Variants in IP6K3 observed in about 807,000 individuals in gnomAD.
The protein encoded by IP6K3 is inositol hexakisphosphate kinase 3.
A neutral mutation model predicts 28.8 loss-of-function variants in IP6K3; 20 were observed. The ratio of observed to expected loss-of-function variants is 0.70; its 90% CI spans 0.49 to 1.01. The LOEUF is 1.01. Ranked by LOEUF, IP6K3 falls within the 50% of genes least tolerant of loss-of-function variation. The pLI is 0.00. For missense variants in IP6K3, 480 were observed against 537.1 expected (o/e 0.89, Z 1.05); for synonymous variants, 213 against 221.3 (o/e 0.96, Z 0.33).
upstream of IP6K3, among the ~76,000 whole-genome samples, chr6:33,747,363 T>G (rs1766943937): frequency 6.6e-6 from 1 of 152,090 alleles, no homozygotes; most frequent in Non-Finnish European, 1.5e-5. The surrounding 1 kb of genome is among the most constrained non-coding windows in gnomAD (Gnocchi z 5.2). Context: ...CAACAGTCAG[T>G]TAGACTGAGG....
At chr6:33,741,507 G>A (rs532579072) in intron 1 of IP6K3, among the ~76,000 whole-genome samples, 2 of 152,060 alleles carry the variant, frequency 1.3e-5, no homozygotes, top group Non-Finnish European at 2.9e-5. Context: ...GTAGCCAGGT[G>A]TGGTGGCGCA....
At chr6:33,753,092 T>G in the IP6K3 span, among the ~76,000 whole-genome samples, 1 of 152,110 alleles carries the variant, frequency 6.6e-6, no homozygotes. Context: ...CACTGTGGAT[T>G]TTTTTGTAGA....
At chr6:33,748,545 A>C (rs1383286664), upstream of IP6K3, among the ~76,000 whole-genome samples, 1 of 146,868 alleles carries the variant, frequency 6.8e-6, no homozygotes, top group Non-Finnish European at 1.5e-5. Context: ...AGGCAGAGGC[A>C]GGAGGAATGC....
At chr6:33,750,004 C>G (rs1368124204), upstream of IP6K3, among the ~76,000 whole-genome samples, 1 of 152,160 alleles carries the variant, frequency 6.6e-6, no homozygotes, top group Non-Finnish European at 1.5e-5. This position sits in a 1 kb window ranked among gnomAD's most constrained non-coding sequence, Gnocchi z 4.3. Flanking sequence ...GGGCAGGTCT[C>G]TCTCTGGCCA....
At chr6:33,752,112 C>T in the IP6K3 span, among the ~76,000 whole-genome samples, 1 of 152,128 alleles carries the variant, frequency 6.6e-6, no homozygotes, top group Non-Finnish European at 1.5e-5. Flanking sequence ...CTCAAGAAGT[C>T]AGGTTCTTGT....
chr6:33,751,278 G>A (rs1767017616), upstream of IP6K3, among the ~76,000 whole-genome samples: 1 of 152,204 alleles, frequency 6.6e-6, no homozygotes, highest in Non-Finnish European at 1.5e-5. The surrounding 1 kb of genome is among the most constrained non-coding windows in gnomAD (Gnocchi z 4.3). Flanking sequence ...AGCCTGCCCT[G>A]TCGGGCTCCC....
chr6:33,747,175 C>T (rs1300439891), upstream of IP6K3, among the ~76,000 whole-genome samples: 2 of 152,214 alleles, frequency 1.3e-5, no homozygotes, highest in African/African-American at 2.4e-5. The surrounding 1 kb of genome is among the most constrained non-coding windows in gnomAD (Gnocchi z 5.2). Flanking sequence ...ACCCCAAGGC[C>T]CTGGTTATTT....
chr6:33,761,322 C>T, the IP6K3 span, among the ~76,000 whole-genome samples: 2 of 152,104 alleles, frequency 1.3e-5, no homozygotes, highest in African/African-American at 4.8e-5. Context: ...GTCCCCTTCT[C>T]TCCTGCCTGC....
the IP6K3 span, among the ~76,000 whole-genome samples, chr6:33,755,400 C>T: frequency 2.0e-3 from 309 of 152,310 alleles, 2 homozygotes; most frequent in Non-Finnish European, 1.3e-3. Flanking sequence ...AAGGCAGTGC[C>T]GGGAAGGGCA....
chr6:33,735,477 G>C lies in IP6K3; in HGVS notation c.-1C>G. The stretch of plus-strand genomic sequence containing the variant: ...CGTCTGCGCTGTTTTGCACAACCAT[G>C]GCGGCAGATGGTGGTGGTGGGGGGT... On this transcript the variant is annotated 5_prime_UTR_variant, in exon 2 of 6. Transcript: ENST00000293756. 6.2e-7 allele frequency: 1 copy of C among 1,607,640 alleles called. No homozygotes were observed. The highest frequency in any genetic ancestry group is 8.5e-7 in the Non-Finnish European group (1 of 1,179,758).
intron 2 of IP6K3, among the ~76,000 whole-genome samples, chr6:33,734,338 T>C (rs1050685996): frequency 6.6e-6 from 1 of 152,082 alleles, no homozygotes; most frequent in African/African-American, 2.4e-5. Context: ...TCTAGTAAAG[T>C]GGGTTTCCCA....
the IP6K3 span, among the ~76,000 whole-genome samples, chr6:33,758,050 A>C: frequency 1.3e-5 from 2 of 152,156 alleles, no homozygotes; most frequent in Non-Finnish European, 2.9e-5. Context: ...AGAGTGGTGG[A>C]GGCGAGTCGC....
intron 2 of IP6K3, 125 bp from the exon 3 acceptor site, chr6:33,728,425 C>T: frequency 1.2e-6 from 1 of 836,152 alleles, no homozygotes; most frequent in Admixed American, 2.2e-5. Context: ...CGTTCCCCAG[C>T]TCCTCTCTCA....
chr6:33,751,789 G>C (rs1767026284), upstream of IP6K3, among the ~76,000 whole-genome samples: 1 of 152,196 alleles, frequency 6.6e-6, no homozygotes, highest in Non-Finnish European at 1.5e-5. This position sits in a 1 kb window ranked among gnomAD's most constrained non-coding sequence, Gnocchi z 4.3. Flanking sequence ...GTCACACCTT[G>C]GTGCAAAGAC....
the IP6K3 span, among the ~76,000 whole-genome samples, chr6:33,759,371 C>T: frequency 3.6e-4 from 55 of 152,130 alleles, no homozygotes; most frequent in Non-Finnish European, 6.8e-4. Flanking sequence ...CTGCCTCCCG[C>T]GGAGAGACTA....
At chr6:33,727,008 G>T in intron 3 of IP6K3, 102 bp from the exon 4 acceptor site, 1 of 1,262,346 alleles carries the variant, frequency 7.9e-7, no homozygotes, top group Non-Finnish European at 1.1e-6. Flanking sequence ...TGAAAGGGTG[G>T]TCCCAGCTGC....
chr6:33,751,828 G>T (rs1221904573), upstream of IP6K3, among the ~76,000 whole-genome samples: 1 of 152,196 alleles, frequency 6.6e-6, no homozygotes, highest in African/African-American at 2.4e-5. The surrounding 1 kb of genome is among the most constrained non-coding windows in gnomAD (Gnocchi z 4.3). Flanking sequence ...GAAGGCACGG[G>T]TCACCCCTCC....
the IP6K3 span, among the ~76,000 whole-genome samples, chr6:33,756,007 G>A: frequency 6.6e-6 from 1 of 152,180 alleles, no homozygotes; most frequent in East Asian, 1.9e-4. Context: ...TGGGATTACA[G>A]GCATGTGCCA....
rs1338588427 is a variant in IP6K3 at position 33,722,016 on chromosome 6, A to C, written c.*704T>G. The C allele has an allele frequency of 1.3e-5, 2 of 152,254 alleles. No individual in the cohort carries two copies. Among genetic ancestry groups the C allele is most frequent in the Non-Finnish European group, 2.9e-5 (2 of 68,024 alleles). 9.4% of individuals were successfully genotyped at this position (152,254 alleles called of 1,614,324 possible). ...AGAATGGGGAACTCCAAAGTCTGCT[A>C]AGAGATTCCTCATTTTAAGAGATTT... On this transcript the variant is annotated 3_prime_UTR_variant, in exon 6 of 6. Transcript: ENST00000293756.
Sources: allele counts gnomAD v4.1 joint callset (sites outside exome capture counted in the v4.1 genomes callset), GRCh38; gene constraint gnomAD v4.1.1; non-coding constraint Gnocchi (gnomAD v3.1); transcripts MANE v1.5; gene names NCBI Gene and HGNC (gene_info 2026-07-23, HGNC 2026-07-21).